The following GALNT13 variants were observed in gnomAD, a reference collection of about 807,000 sequenced individuals.
GALNT13 encodes the protein UDP-GalNAc:polypeptide N-acetylgalactosaminyltransferase 13.
A neutral mutation model predicts 64.2 loss-of-function variants in GALNT13; 28 were observed. The observed-to-expected ratio is 0.44, with a 90% CI of 0.32 to 0.60. The LOEUF (loss-of-function observed/expected upper bound fraction) is 0.60, where lower values mean the gene tolerates loss of function less well. Ranked by LOEUF, GALNT13 falls within the 20% of genes least tolerant of loss-of-function variation. The pLI, the probability that GALNT13 is intolerant of heterozygous loss-of-function variation, is 0.05. For missense variants in GALNT13, 577 were observed against 669.8 expected, an observed-to-expected ratio of 0.86 and a Z score of 1.53; for synonymous variants, 214 against 224.6, an observed-to-expected ratio of 0.95 and a Z score of 0.42.
the GALNT13 span, among the ~76,000 whole-genome samples, chr2:153,863,339 CACTCTA>C: frequency 5.3e-5 from 8 of 152,076 alleles, no homozygotes; most frequent in Admixed American, 5.2e-4. Context: ...ATATCTGACT[CACTCTA>C]ACTCTATAAG....
At chr2:153,722,726 C>A in the GALNT13 span, among the ~76,000 whole-genome samples, 4 of 152,176 alleles carry the variant, frequency 2.6e-5, no homozygotes, top group Admixed American at 2.6e-4. Context: ...CATTCCTTGA[C>A]ACATACACTC....
the GALNT13 span, among the ~76,000 whole-genome samples, chr2:153,132,592 A>G: frequency 6.6e-6 from 1 of 152,202 alleles, no homozygotes; most frequent in South Asian, 2.1e-4. Flanking sequence ...TCTACTTCAC[A>G]ATTCTGCTCT....
At chr2:153,829,847 A>G in the GALNT13 span, among the ~76,000 whole-genome samples, 1 of 152,232 alleles carries the variant, frequency 6.6e-6, no homozygotes, top group Non-Finnish European at 1.5e-5. Context: ...GCTGATATTT[A>G]GAAGAGACTT....
chr2:153,314,853 T>A, the GALNT13 span, among the ~76,000 whole-genome samples: 444 of 151,794 alleles, frequency 2.9e-3, 16 homozygotes, highest in East Asian at 0.081. Flanking sequence ...AACTTCCACC[T>A]TAAGAAACCT....
the GALNT13 span, among the ~76,000 whole-genome samples, chr2:153,214,894 A>G: frequency 6.6e-5 from 10 of 152,242 alleles, no homozygotes; most frequent in Non-Finnish European, 1.3e-4. Flanking sequence ...ATCTTTGAAA[A>G]TCACCTAAAA....
At chr2:153,754,061 G>C in the GALNT13 span, among the ~76,000 whole-genome samples, 1 of 152,158 alleles carries the variant, frequency 6.6e-6, no homozygotes, top group Non-Finnish European at 1.5e-5. Context: ...CAGTCAGCTT[G>C]TGGTAAATGC....
At chr2:153,163,589 G>A in the GALNT13 span, among the ~76,000 whole-genome samples, 3 of 151,990 alleles carry the variant, frequency 2.0e-5, no homozygotes, top group Non-Finnish European at 2.9e-5. Flanking sequence ...AGATTAACAA[G>A]CTGATTTCCT....
the GALNT13 span, among the ~76,000 whole-genome samples, chr2:153,441,432 CT>C: frequency 2.6e-5 from 4 of 152,200 alleles, no homozygotes; most frequent in Non-Finnish European, 5.9e-5. Flanking sequence ...GCTATACACA[CT>C]GTTATTTGGC....
chr2:153,079,513 A>G, the GALNT13 span, among the ~76,000 whole-genome samples: 1 of 152,196 alleles, frequency 6.6e-6, no homozygotes, highest in African/African-American at 2.4e-5. Context: ...TGATTGGTTT[A>G]ATTTCACTGA....
the GALNT13 span, among the ~76,000 whole-genome samples, chr2:153,486,400 C>T: frequency 1.3e-5 from 2 of 152,038 alleles, no homozygotes; most frequent in Admixed American, 6.6e-5. Flanking sequence ...TGGGGACAGC[C>T]GTAAAAATTA....
chr2:153,584,838 T>C, the GALNT13 span, among the ~76,000 whole-genome samples: 1 of 152,136 alleles, frequency 6.6e-6, no homozygotes, highest in Non-Finnish European at 1.5e-5. Context: ...ATGCTATTTA[T>C]AGCTAAAAAA....
chr2:153,558,605 C>CTT, the GALNT13 span, among the ~76,000 whole-genome samples: 1 of 144,660 alleles, frequency 6.9e-6, no homozygotes, highest in African/African-American at 2.5e-5. Context: ...TTATGTAGTG[C>CTT]TTTTTTTTTT....
chr2:153,740,781 C>T, the GALNT13 span, among the ~76,000 whole-genome samples: 1 of 152,104 alleles, frequency 6.6e-6, no homozygotes, highest in African/African-American at 2.4e-5. Context: ...GACAGTTGGG[C>T]TAGTTTGTGA....
At chr2:154,373,065 AAAG>A (rs1345651162) in intron 9 of GALNT13, among the ~76,000 whole-genome samples, 2 of 152,152 alleles carry the variant, frequency 1.3e-5, no homozygotes, top group African/African-American at 4.8e-5. Flanking sequence ...CAAAATATTT[AAAG>A]AAGTATTTTA....
At chr2:154,035,259 G>A (rs1341294833) in intron 3 of GALNT13, among the ~76,000 whole-genome samples, 1 of 152,028 alleles carries the variant, frequency 6.6e-6, no homozygotes, top group Non-Finnish European at 1.5e-5. Flanking sequence ...GCTTTTATTA[G>A]TAAGCATTTT....
chr2:153,079,156 A>C, the GALNT13 span, among the ~76,000 whole-genome samples: 1 of 152,150 alleles, frequency 6.6e-6, no homozygotes, highest in Non-Finnish European at 1.5e-5. Context: ...AGGGGCATGG[A>C]GGTGCCAAAC....
At chr2:154,112,733 G>A (rs375523165) in intron 3 of GALNT13, among the ~76,000 whole-genome samples, 2 of 152,206 alleles carry the variant, frequency 1.3e-5, no homozygotes, top group African/African-American at 2.4e-5. Flanking sequence ...GAAAGAGGCT[G>A]TAGTGTTGCA....
chr2:153,552,048 T>A, the GALNT13 span, among the ~76,000 whole-genome samples: 1 of 152,200 alleles, frequency 6.6e-6, no homozygotes, highest in African/African-American at 2.4e-5. Flanking sequence ...CCAAACAAAT[T>A]GTTTCAAGGA....
chr2:153,424,565 A>G, the GALNT13 span, among the ~76,000 whole-genome samples: 2 of 151,950 alleles, frequency 1.3e-5, no homozygotes, highest in Admixed American at 6.6e-5. Context: ...TAAAACTGCA[A>G]TAAAGTAACA....
Sources: allele counts gnomAD v4.1 joint callset (sites outside exome capture counted in the v4.1 genomes callset), GRCh38; gene constraint gnomAD v4.1.1; transcripts MANE v1.5; gene names NCBI Gene and HGNC (gene_info 2026-07-23, HGNC 2026-07-21).